MON2: variants seen among roughly 807,000 people sequenced by gnomAD.
MON2 encodes protein MON2 homolog.
Under a neutral mutation model 208.6 loss-of-function variants are expected in MON2, and 84 were observed. The ratio of observed to expected loss-of-function variants is 0.40; its 90% CI spans 0.34 to 0.48. MON2 has a LOEUF of 0.48. Ranked by LOEUF, MON2 falls within the 20% of genes least tolerant of loss-of-function variation. The probability of loss-of-function intolerance (pLI) is 0.59; values close to 1 mark genes in which losing one functional copy is unlikely to be tolerated. For synonymous variants in MON2, 660 were observed against 694.0 expected (o/e 0.95, Z 0.77); for missense variants, 1,611 against 2,015.4 (o/e 0.80, Z 3.84).
rs548826475 is a variant in MON2 at position 62,554,944 on chromosome 12, G to A, written c.3211-1050G>A. 1.3e-4 allele frequency among the ~76,000 whole-genome samples: 20 copies of A among 150,284 alleles called. 1 individual carries two copies. The highest frequency in any genetic ancestry group is 3.9e-4 in the African/African-American group (16 of 40,908). On this transcript the variant is annotated intron_variant, in intron 24 of 34. Transcript: ENST00000393630. The stretch of plus-strand genomic sequence containing the variant: ...CGAGTAGCTGGGACTACACGCGCCC[G>A]CCACCACACCCGGCTAATTTTTTTT...
rs2075561154 is a variant in MON2, at chr12:62,597,995, A to G, written c.*5246A>G. 1.3e-5 allele frequency: 2 copies of G among 152,280 alleles called. No homozygotes were observed. The highest frequency in any genetic ancestry group is 4.8e-5 in the African/African-American group (2 of 41,568). The allele number at this position is 152,280 out of a possible 1,614,324, so 9.4% of individuals were successfully genotyped here. On this transcript the variant is annotated 3_prime_UTR_variant, in exon 35 of 35. Coordinates refer to ENST00000393630, the MANE Select transcript of MON2 (RefSeq NM_015026.3). ...ACGTTTAAACTTTTAGATTTATCCC[A>G]TCTTAATATTGATTTATATTGACAC...
At chr12:62,591,418 A>G (rs559702670) in intron 34 of MON2, among the ~76,000 whole-genome samples, 5 of 152,344 alleles carry the variant, frequency 3.3e-5, no homozygotes, top group African/African-American at 9.6e-5. Flanking sequence ...CAAGATATGT[A>G]CTAAGGCATG....
At chr12:62,506,046 C>T (rs1040774487) in intron 7 of MON2, among the ~76,000 whole-genome samples, 2 of 151,924 alleles carry the variant, frequency 1.3e-5, no homozygotes, top group Non-Finnish European at 2.9e-5. Flanking sequence ...TGGAGGAAAC[C>T]CAACTGTAGT....
Position 62,543,134 on chromosome 12 carries a change from C to A in MON2, c.2402C>A (p.Thr801Asn). 1.3e-6 allele frequency: 2 copies of A among 1,580,002 alleles called. No individual in the cohort carries two copies. The highest frequency in any genetic ancestry group is 2.7e-5 in the African/African-American group (2 of 72,838). Reference sequence around the variant, plus strand: ...TTTGCTGTTGCCAAATTGTTAGAAACTGGTTTAGTTAATATGCACCGAATA... The same window carrying A: ...TTTGCTGTTGCCAAATTGTTAGAAAATGGTTTAGTTAATATGCACCGAATA... ...SLFAVAKLLETGLVNMHRIEI... is the reference protein window; with the variant it reads ...SLFAVAKLLENGLVNMHRIEI... The change falls in exon 20 of 35, where the codon ACT becomes AAT. Residue 801 changes from threonine (T) to asparagine (N), a missense_variant. Physicochemically the swap from Thr to Asn is moderately conservative, Grantham distance 65. Coordinates refer to ENST00000393630, the MANE Select transcript of MON2 (RefSeq NM_015026.3).
At position 62,535,625 on chromosome 12, in the gene MON2, A is replaced by T. The variant is rs776720645; in HGVS notation, c.1816A>T (p.Thr606Ser). 9.3e-6 allele frequency: 15 copies of T among 1,613,750 alleles called. No homozygotes were observed. The South Asian group carries it at 1.6e-4, about 18-fold the overall frequency. The part of the protein sequence containing the change: ...GLVTSRDAFI[T>S]AICKGSLPPH... ...TGTAACTTCAAGAGATGCCTTTATA[A>T]CTGCAATATGCAAAGGTTCCCTGCC... Residue 606 changes from threonine to serine, a missense_variant, in exon 14 of 35, where the codon ACT becomes TCT. Physicochemically the swap from Thr to Ser is moderately conservative, Grantham distance 58. Transcript: ENST00000393630.
intron 26 of MON2, among the ~76,000 whole-genome samples, chr12:62,564,368 A>G (rs1013667741): frequency 1.3e-5 from 2 of 152,048 alleles, no homozygotes; most frequent in African/African-American, 4.8e-5. Flanking sequence ...GCATAAAGTG[A>G]TCATCCTTTT....
At chr12:62,542,597 G>T (rs1031876231) in intron 19 of MON2, among the ~76,000 whole-genome samples, 3 of 152,098 alleles carry the variant, frequency 2.0e-5, no homozygotes, top group Non-Finnish European at 2.9e-5. Flanking sequence ...TCTGATTATT[G>T]ATATGTCAGG....
intron 7 of MON2, among the ~76,000 whole-genome samples, chr12:62,507,100 C>T (rs1006333458): frequency 1.3e-5 from 2 of 152,074 alleles, no homozygotes; most frequent in African/African-American, 4.8e-5. Context: ...TTTATCAGCT[C>T]ATCATGTTCT....
At chr12:62,495,559 G>A (rs1350638072) in intron 4 of MON2, among the ~76,000 whole-genome samples, 2 of 151,654 alleles carry the variant, frequency 1.3e-5, no homozygotes, top group African/African-American at 2.4e-5. Flanking sequence ...GTGTAGTGGC[G>A]GGCGCCTGTA....
Position 62,595,002 on chromosome 12 carries a change from T to C in MON2, c.*2253T>C, listed in dbSNP as rs912812000. On this transcript the variant is annotated 3_prime_UTR_variant, in exon 35 of 35. Transcript: ENST00000393630. ...TCCAGTGACTAGAAGAACTGGGGTG[T>C]GTGAAAGTATTCGATGCCAGGAGAT... 14 of 152,216 alleles carry C rather than the reference T, an allele frequency of 9.2e-5. No individual in the cohort carries two copies. The highest frequency in any genetic ancestry group is 1.5e-5 in the Non-Finnish European group (1 of 68,066). 9.4% of individuals were successfully genotyped at this position (152,216 alleles called of 1,614,324 possible). A position where few individuals can be genotyped will look rare whatever the true frequency, so the allele number is the denominator to read the frequency against.
chr12:62,547,636 A>G (rs2073548042), intron 22 of MON2, among the ~76,000 whole-genome samples: 1 of 152,202 alleles, frequency 6.6e-6, no homozygotes, highest in Non-Finnish European at 1.5e-5. Context: ...ATAGAATCCT[A>G]GTGAGAAAGT....
At chr12:62,581,970 T>A (rs2075023056) in intron 32 of MON2, among the ~76,000 whole-genome samples, 1 of 152,224 alleles carries the variant, frequency 6.6e-6, no homozygotes, top group African/African-American at 2.4e-5. Flanking sequence ...GACCACTAGA[T>A]GTCTCTCATA....
Position 62,599,388 on chromosome 12 carries a change from C to CA in MON2, c.*6642dup, listed in dbSNP as rs2075586282. The CA allele has an allele frequency of 6.6e-6, 1 of 151,990 alleles. No homozygotes were observed. Among genetic ancestry groups the CA allele is most frequent in the Non-Finnish European group, 1.5e-5 (1 of 67,998 alleles). The allele number at this position is 151,990 out of a possible 1,614,324, so 9.4% of individuals were successfully genotyped here. On this transcript the variant is annotated 3_prime_UTR_variant, in exon 35 of 35. Transcript: ENST00000393630. Reference sequence around the variant, plus strand: ...AATGCCAGACTATCTCTCTACCTCTCAAAGAAAATAATTTGCATTAAAATT... The same window carrying CA: ...AATGCCAGACTATCTCTCTACCTCTCAAAAGAAAATAATTTGCATTAAAATT...
chr12:62,526,760 A>G (rs1048381453), intron 11 of MON2, among the ~76,000 whole-genome samples: 1 of 152,216 alleles, frequency 6.6e-6, no homozygotes, highest in Non-Finnish European at 1.5e-5. Context: ...AATCAATACT[A>G]CATGGATTTA....
Position 62,571,497 on chromosome 12 carries a change from G to T in MON2, c.4429G>T (p.Ala1477Ser). The T allele has an allele frequency of 1.9e-6, 3 of 1,613,902 alleles. No homozygotes were observed. Among genetic ancestry groups the T allele is most frequent in the Non-Finnish European group, 2.5e-6 (3 of 1,179,846 alleles). ...LRVLSIGLPV[A>S]RQHASSGKFD... ...AGTTCTTTCTATTGGGCTACCTGTT[G>T]CCCGGCAGCATGCTTCTTCTGGAAA... Residue 1477 changes from alanine (A) to serine (S), a missense_variant, in exon 30 of 35, where the codon GCC (alanine) becomes TCC (serine). Physicochemically the swap from Ala to Ser is moderately conservative, Grantham distance 99. Coordinates refer to ENST00000393630, the MANE Select transcript of MON2 (RefSeq NM_015026.3).
rs1233617589 is a variant in MON2 at position 62,495,033 on chromosome 12, A to G, written c.321A>G (p.Ile107Met). The part of the protein sequence containing the change: ...EVVSETAAGN[I>M]INMLWQLMEN... ...TTTTACAGACTGCAGCTGGAAATAT[A>G]ATTAACATGCTTTGGCAGCTAATGG... Residue 107 changes from isoleucine to methionine, a missense_variant, in exon 4 of 35, where the codon ATA (isoleucine) becomes ATG (methionine). Coordinates refer to ENST00000393630, the MANE Select transcript of MON2 (RefSeq NM_015026.3). 2.5e-6 allele frequency: 4 copies of G among 1,607,736 alleles called. No individual in the cohort carries two copies. The highest frequency in any genetic ancestry group is 3.4e-6 in the Non-Finnish European group (4 of 1,175,768).
At chr12:62,503,146 T>A (rs2070929156) in intron 7 of MON2, among the ~76,000 whole-genome samples, 2 of 152,228 alleles carry the variant, frequency 1.3e-5, no homozygotes, top group African/African-American at 4.8e-5. Context: ...ATTAATATTC[T>A]CTTTTATCTT....
chr12:62,519,893 G>A lies in MON2; in HGVS notation c.985-4622G>A, dbSNP rs2071921072. ...TGCCGTGGCGTGATCTCGGCTCACT[G>A]TAAACTCCGCCTCCTGGATTCATGC... is the stretch of plus-strand genomic sequence containing the variant. On this transcript the variant is annotated intron_variant, in intron 8 of 34. Transcript: ENST00000393630. 2.0e-5 allele frequency among the ~76,000 whole-genome samples: 3 copies of A among 152,262 alleles called. No homozygotes were observed. In the South Asian group the frequency reaches 6.2e-4, roughly 31 times the overall value.
rs1351394049 is a variant in MON2 at position 62,541,366 on chromosome 12, C to T, written c.2365-1731C>T. ...CTCCAGCCTGGGCAACAGAGTGAAA[C>T]TCTGTCTCAAAAAAAAAAAAAAAAA... On this transcript the variant is annotated intron_variant, in intron 19 of 34. Coordinates refer to ENST00000393630, the MANE Select transcript of MON2 (RefSeq NM_015026.3). Among the ~76,000 whole-genome samples the T allele has an allele frequency of 3.0e-5, 4 of 134,430 alleles. No individual in the cohort carries two copies. The East Asian group carries it at 8.6e-4, about 29-fold the overall frequency. 88.2% of individuals were successfully genotyped at this position (134,430 alleles called of 152,430 possible). A position where few individuals can be genotyped will look rare whatever the true frequency, so the allele number is the denominator to read the frequency against.
Sources: gnomAD v4.1 joint callset for allele counts (sites outside exome capture counted in the v4.1 genomes callset) on GRCh38, gnomAD v4.1.1 for gene constraint, MANE v1.5 for transcripts, NCBI Gene and HGNC (gene_info 2026-07-23, HGNC 2026-07-21) for gene names.